Variants in MAP4K3 observed in about 807,000 individuals in gnomAD.
MAP4K3 encodes the protein MAPK/ERK kinase kinase kinase 3.
Under a neutral mutation model 143.5 loss-of-function variants are expected in MAP4K3, and 94 were observed. That is an observed-to-expected ratio of 0.65 (90% CI 0.55 to 0.78). The LOEUF is 0.78. Among genes scored for constraint, MAP4K3 ranks in the 30% least tolerant of loss-of-function variants. The pLI, the probability that MAP4K3 is intolerant of heterozygous loss-of-function variation, is 0.00. For synonymous variants in MAP4K3, 416 were observed against 347.2 expected (o/e 1.20, Z -2.20); for missense variants, 1,077 against 1,068.1 (o/e 1.01, Z -0.12).
chr2:39,255,512 G>A (rs1449964531), intron 31 of MAP4K3, among the ~76,000 whole-genome samples: 6 of 152,006 alleles, frequency 3.9e-5, no homozygotes, highest in Non-Finnish European at 8.8e-5. Context: ...TTACATGTGG[G>A]TCTATTTCTG....
At chr2:39,299,147 T>G (rs1682407445) in intron 16 of MAP4K3, among the ~76,000 whole-genome samples, 1 of 152,170 alleles carries the variant, frequency 6.6e-6, no homozygotes, top group African/African-American at 2.4e-5. Flanking sequence ...CCATCATACC[T>G]GGCAAATGAA....
At chr2:39,358,011 CTTAGGATAAAGT>C (rs1426943606) in intron 2 of MAP4K3, among the ~76,000 whole-genome samples, 1 of 152,046 alleles carries the variant, frequency 6.6e-6, no homozygotes, top group African/African-American at 2.4e-5. Context: ...GGGAGTCAGC[CTTAGGATAAAGT>C]TAACATGTGG....
At chr2:39,432,778 A>G (rs1465098420) in intron 1 of MAP4K3, among the ~76,000 whole-genome samples, 1 of 152,192 alleles carries the variant, frequency 6.6e-6, no homozygotes, top group Non-Finnish European at 1.5e-5. Flanking sequence ...TTACTGCCCA[A>G]TCCTCACCTT....
chr2:39,305,420 C>CT (rs1682667159), intron 15 of MAP4K3, among the ~76,000 whole-genome samples: 1 of 152,144 alleles, frequency 6.6e-6, no homozygotes, highest in East Asian at 1.9e-4. Flanking sequence ...TAGCTAAAGA[C>CT]TAACGAATTT....
chr2:39,260,291 A>AT (rs137999575), intron 29 of MAP4K3, among the ~76,000 whole-genome samples: 7,073 of 151,926 alleles, frequency 0.047, 278 homozygotes, highest in African/African-American at 0.097. Flanking sequence ...CTTACATGCA[A>AT]TTTTTTTAGA....
chr2:39,379,096 T>C (rs1172536866), intron 1 of MAP4K3, among the ~76,000 whole-genome samples: 6 of 152,048 alleles, frequency 3.9e-5, no homozygotes, highest in Non-Finnish European at 7.4e-5. Flanking sequence ...TGACCAGATT[T>C]ATTCCTAGTT....
intron 13 of MAP4K3, among the ~76,000 whole-genome samples, chr2:39,314,751 GC>G (rs1433775545): frequency 2.0e-5 from 3 of 152,200 alleles, no homozygotes; most frequent in Non-Finnish European, 4.4e-5. Context: ...TAACTTGGCT[GC>G]CCCTAAGAAA....
chr2:39,346,624 C>T (rs1665300440), intron 3 of MAP4K3, among the ~76,000 whole-genome samples: 2 of 152,172 alleles, frequency 1.3e-5, no homozygotes, highest in South Asian at 4.1e-4. Flanking sequence ...CTGCTCCCAA[C>T]CCCCACAATC....
chr2:39,308,834 T>C (rs1227760180), intron 14 of MAP4K3, among the ~76,000 whole-genome samples: 3 of 152,128 alleles, frequency 2.0e-5, no homozygotes, highest in Non-Finnish European at 4.4e-5. Context: ...ATTTACTATG[T>C]ATGCCTCATC....
At chr2:39,355,359 CAAAAAAAAAAAAA>C (rs34355105) in intron 3 of MAP4K3, among the ~76,000 whole-genome samples, 4 of 34,548 alleles carry the variant, frequency 1.2e-4, no homozygotes, top group South Asian at 1.1e-3. Flanking sequence ...GACTCCACCT[CAAAAAAAAAAAAA>C]AAAAAAAAAA....
At chr2:39,333,624 G>C in intron 6 of MAP4K3, 50 bp from the exon 7 acceptor site, 5 of 1,020,558 alleles carry the variant, frequency 4.9e-6, no homozygotes, top group Non-Finnish European at 7.7e-6. Flanking sequence ...TATTTTATCA[G>C]ACAGCACATA....
chr2:39,423,844 A>G (rs1256907285), intron 1 of MAP4K3, among the ~76,000 whole-genome samples: 1 of 152,248 alleles, frequency 6.6e-6, no homozygotes, highest in East Asian at 1.9e-4. Context: ...ACTGATGGAA[A>G]CATTTGTCAA....
At chr2:39,389,988 A>G (rs1666609079) in intron 1 of MAP4K3, among the ~76,000 whole-genome samples, 1 of 152,206 alleles carries the variant, frequency 6.6e-6, no homozygotes, top group Non-Finnish European at 1.5e-5. Flanking sequence ...GACTTTATAC[A>G]GTTTGCGAAG....
intron 4 of MAP4K3, among the ~76,000 whole-genome samples, chr2:39,339,753 T>G (rs1306966450): frequency 6.6e-6 from 1 of 151,964 alleles, no homozygotes; most frequent in South Asian, 2.1e-4. Flanking sequence ...CTTACTCAGG[T>G]TGAGCATTCA....
chr2:39,281,416 A>G (rs1364772123), intron 22 of MAP4K3, among the ~76,000 whole-genome samples: 2 of 152,240 alleles, frequency 1.3e-5, no homozygotes, highest in Non-Finnish European at 2.9e-5. Context: ...TGGCAATACC[A>G]TCAAGTAGTA....
chr2:39,402,734 T>A (rs1428736862), intron 1 of MAP4K3, among the ~76,000 whole-genome samples: 2 of 150,910 alleles, frequency 1.3e-5, no homozygotes, highest in Non-Finnish European at 1.5e-5. Flanking sequence ...ATCAATAAAA[T>A]TAAGGCTCTG....
intron 19 of MAP4K3, 142 bp downstream of exon 19, chr2:39,290,150 T>A: frequency 7.8e-6 from 4 of 509,826 alleles, no homozygotes; most frequent in Non-Finnish European, 1.3e-5. Flanking sequence ...GAGACAAACA[T>A]AATAAAAAAT....
chr2:39,371,556 G>A (rs186061671), intron 2 of MAP4K3, among the ~76,000 whole-genome samples: 8 of 152,268 alleles, frequency 5.3e-5, no homozygotes, highest in Admixed American at 2.6e-4. Flanking sequence ...CTGATGTGAT[G>A]CAAATGAACT....
intron 19 of MAP4K3, among the ~76,000 whole-genome samples, chr2:39,288,489 A>G (rs922514313): frequency 5.9e-5 from 9 of 152,188 alleles, no homozygotes. Context: ...TGTACATCTC[A>G]GGTTTTGCTG....
Sources: allele counts gnomAD v4.1 joint callset (sites outside exome capture counted in the v4.1 genomes callset), GRCh38; gene constraint gnomAD v4.1.1; transcripts MANE v1.5; gene names NCBI Gene and HGNC (gene_info 2026-07-23, HGNC 2026-07-21).